Variants in ITSN2 observed in about 807,000 individuals in gnomAD.
The protein encoded by ITSN2 is intersectin-2.
A neutral mutation model predicts 243.7 loss-of-function variants in ITSN2; 156 were observed. The observed-to-expected ratio is 0.64, with a 90% confidence interval of 0.56 to 0.73. The LOEUF (loss-of-function observed/expected upper bound fraction) is 0.73, where lower values mean the gene tolerates loss of function less well. Among genes scored for constraint, ITSN2 ranks in the 30% least tolerant of loss-of-function variants. ITSN2 has a pLI of 0.00. For synonymous variants in ITSN2, 703 were observed against 699.9 expected (o/e 1.00, Z -0.07); for missense variants, 1,801 against 1,996.1 (o/e 0.90, Z 1.86).
chr2:24,330,412 G>A lies in ITSN2; in HGVS notation c.-33-2297C>T, dbSNP rs1278713911. On this transcript the variant is annotated intron_variant, in intron 1 of 39. Transcript: ENST00000355123. ...ACCGTTGCCACCACCATGCCCAAGAGAAAGGGTGAAGGGGATGCTAAAGGA... is the reference window on the plus strand; with the variant it reads ...ACCGTTGCCACCACCATGCCCAAGAAAAAGGGTGAAGGGGATGCTAAAGGA... The A allele has an allele frequency of 6.6e-6, 4 of 605,496 alleles. No homozygotes were observed. The Admixed American group carries it at 7.8e-5, about 12-fold the overall frequency. 37.5% of individuals were successfully genotyped at this position (605,496 alleles called of 1,614,324 possible). A position where few individuals can be genotyped will look rare whatever the true frequency, so the allele number is the denominator to read the frequency against.
intron 29 of ITSN2, chr2:24,240,877 AC>A (rs1159791204): frequency 6.6e-6 from 1 of 152,220 alleles, no homozygotes; most frequent in Admixed American, 6.6e-5. Context: ...TTTTGTATCA[AC>A]TAAGTACTCT....
intron 32 of ITSN2, among the ~76,000 whole-genome samples, chr2:24,215,062 G>A (rs1426562812): frequency 3.3e-5 from 5 of 152,168 alleles, no homozygotes; most frequent in East Asian, 1.9e-4. Flanking sequence ...TAACCTGTAC[G>A]AAGGATGTTG....
At position 24,318,247 on chromosome 2, in the gene ITSN2, G is replaced by A. The variant is rs1296019735; in HGVS notation, c.32-3023C>T. ...TGCAGCCTTGACATCCCAGGCTCAA[G>A]TGATTCTCCCACCTCAGCCGCCTGA... On this transcript the variant is annotated intron_variant, in intron 2 of 39. Coordinates refer to ENST00000355123, the MANE Select transcript of ITSN2 (RefSeq NM_006277.3). Among the ~76,000 whole-genome samples the A allele has an allele frequency of 2.0e-5, 3 of 152,146 alleles. No individual in the cohort carries two copies. The East Asian group carries it at 5.8e-4, about 29-fold the overall frequency.
chr2:24,252,524 A>C lies in ITSN2; in HGVS notation c.2954-13T>G. ...AGTGCAATATATTCTGTAGGGAACA[A>C]AGCAAAAAGAAGTAGATTCTGGTTT... On this transcript the variant is annotated splice_polypyrimidine_tract_variant and intron_variant, in intron 24 of 39. Transcript: ENST00000355123. 6.3e-7 allele frequency: 1 copy of C among 1,576,628 alleles called. No individual in the cohort carries two copies. Among genetic ancestry groups the C allele is most frequent in the East Asian group, 2.3e-5 (1 of 44,340 alleles).
chr2:24,313,885 G>A (rs1160740307), intron 3 of ITSN2, among the ~76,000 whole-genome samples: 1 of 152,162 alleles, frequency 6.6e-6, no homozygotes, highest in African/African-American at 2.4e-5. Context: ...AGGAGAGAGA[G>A]TCCTCCATGA....
chr2:24,303,693 T>C lies in ITSN2; in HGVS notation c.857+106A>G, dbSNP rs150843239. On this transcript the variant is annotated intron_variant, in intron 9 of 39. Coordinates refer to ENST00000355123, the MANE Select transcript of ITSN2 (RefSeq NM_006277.3). ...GCTGCTTTTATAGAGCATCTCTGAG[T>C]CACAAACTTTTACAGAAACAGTATC... 1.5e-3 allele frequency: 1,177 copies of C among 786,926 alleles called. 19 individuals carry two copies. In the East Asian group the frequency reaches 0.028, roughly 19 times the overall value. The allele number at this position is 786,926 out of a possible 1,614,324, so 48.7% of individuals were successfully genotyped here.
chr2:24,303,180 AG>A lies in ITSN2; in HGVS notation c.857+618del, dbSNP rs1326850331. Reference sequence around the variant, plus strand: ...CTCCTTCTACTTACAGAAAAAAAAAAGTTAACTGTAAGACAGCCTCAGGCAG... The same window carrying A: ...CTCCTTCTACTTACAGAAAAAAAAAATTAACTGTAAGACAGCCTCAGGCAG... On this transcript the variant is annotated intron_variant, in intron 9 of 39. Transcript: ENST00000355123. 1.2e-4 allele frequency among the ~76,000 whole-genome samples: 19 copies of A among 152,120 alleles called. 1 individual carries two copies.
In ITSN2 at chr2:24,293,993, G is replaced by A. The variant is rs76294650; in HGVS notation, c.1636-218C>T. Among the ~76,000 whole-genome samples the A allele has an allele frequency of 5.4e-3, 815 of 152,324 alleles. 7 individuals carry two copies. Among genetic ancestry groups the A allele is most frequent in the African/African-American group, 0.019 (770 of 41,576 alleles). On this transcript the variant is annotated intron_variant, in intron 14 of 39. Transcript: ENST00000355123. Reference sequence around the variant, plus strand: ...TTTGAGTGACTGGCTGAAATTAAAAGGCAGTGAAGAAAGCCTTTGTAAATG... The same window carrying A: ...TTTGAGTGACTGGCTGAAATTAAAAAGCAGTGAAGAAAGCCTTTGTAAATG...
chr2:24,315,138 T>G lies in ITSN2; in HGVS notation c.118A>C (p.Ile40Leu). Reference sequence around the variant, plus strand: ...ACTAATTATAAATACAAACCTGTTATGTAACCTCCTGAAGGTTTGAGGTTA... The same window carrying G: ...ACTAATTATAAATACAAACCTGTTAGGTAACCTCCTGAAGGTTTGAGGTTA... ...FDNLKPSGGY[I>L]TGDQARNFFL... Residue 40 changes from isoleucine to leucine, a missense_variant, in exon 3 of 40, where the codon ATA becomes CTA. This residue lies in a region of ITSN2 where 77 missense variants were observed against 90.1 expected (regional missense o/e 0.85). Coordinates refer to ENST00000355123, the MANE Select transcript of ITSN2 (RefSeq NM_006277.3). 6.3e-7 allele frequency: 1 copy of G among 1,576,886 alleles called. No homozygotes were observed. Among genetic ancestry groups the G allele is most frequent in the Non-Finnish European group, 8.7e-7 (1 of 1,147,938 alleles).
At chr2:24,218,162 C>T (rs1473820205) in intron 30 of ITSN2, 149 bp from the exon 31 acceptor site, 1 of 609,770 alleles carries the variant, frequency 1.6e-6, no homozygotes, top group East Asian at 2.8e-5. Flanking sequence ...AATAAGCATA[C>T]TTATGACACA....
rs891433115 is a variant in ITSN2 at position 24,249,838 on chromosome 2, G to T, written c.3121-956C>A. The stretch of plus-strand genomic sequence containing the variant: ...TTTGTAGAACCTGGAAATAGTCCTT[G>T]AGCCTCTTTCAGGGGTCTGTGGGAT... On this transcript the variant is annotated intron_variant, in intron 25 of 39. Transcript: ENST00000355123. The surrounding 1 kb of genome is among the most constrained non-coding windows in gnomAD (Gnocchi z 4.4). 7.9e-5 allele frequency among the ~76,000 whole-genome samples: 12 copies of T among 152,164 alleles called. No homozygotes were observed. Among genetic ancestry groups the T allele is most frequent in the Non-Finnish European group, 1.5e-5 (1 of 68,020 alleles).
At chr2:24,313,603 A>T (rs1683532178) in intron 3 of ITSN2, 80 bp from the exon 4 acceptor site, 1 of 878,752 alleles carries the variant, frequency 1.1e-6, no homozygotes, top group Admixed American at 2.5e-5. Context: ...TAATGGGTAT[A>T]TGTTAATGAT....
chr2:24,321,942 T>C (rs1056301555), intron 2 of ITSN2: 5 of 152,150 alleles, frequency 3.3e-5, no homozygotes, highest in Admixed American at 3.3e-4. Flanking sequence ...AAACCCATGG[T>C]AATAAAGTAA....
intron 22 of ITSN2, among the ~76,000 whole-genome samples, chr2:24,260,542 A>T (rs1675699489): frequency 6.6e-6 from 1 of 152,020 alleles, no homozygotes; most frequent in African/African-American, 2.4e-5. Context: ...ATATATCATG[A>T]GATTTGTAAA....
intron 1 of ITSN2, 66 bp from the exon 2 acceptor site, chr2:24,328,181 C>G: frequency 8.8e-7 from 1 of 1,134,854 alleles, no homozygotes; most frequent in Non-Finnish European, 1.3e-6. Flanking sequence ...AGTGCACCCG[C>G]TAAGCAGTAG....
intron 29 of ITSN2, among the ~76,000 whole-genome samples, chr2:24,222,108 C>T (rs1171529122): frequency 6.6e-6 from 1 of 151,926 alleles, no homozygotes; most frequent in Non-Finnish European, 1.5e-5. Context: ...AAAAATTAGC[C>T]AGGCGTGGTG....
At chr2:24,259,073 G>T (rs917090967) in intron 22 of ITSN2, among the ~76,000 whole-genome samples, 1 of 152,072 alleles carries the variant, frequency 6.6e-6, no homozygotes, top group Non-Finnish European at 1.5e-5. Flanking sequence ...CTGCCTACTG[G>T]GTGTTTCTAC....
chr2:24,242,838 A>G (rs1672890835), intron 29 of ITSN2, among the ~76,000 whole-genome samples: 1 of 152,172 alleles, frequency 6.6e-6, no homozygotes, highest in African/African-American at 2.4e-5. Context: ...CAAAACAATA[A>G]AAGTATTCAG....
At chr2:24,218,384 G>A (rs1312407419) in intron 30 of ITSN2, among the ~76,000 whole-genome samples, 3 of 152,220 alleles carry the variant, frequency 2.0e-5, no homozygotes, top group Non-Finnish European at 2.9e-5. Flanking sequence ...GTGGAGCATC[G>A]TAGAGTTCTA....
Sources: allele counts gnomAD v4.1 joint callset (sites outside exome capture counted in the v4.1 genomes callset), GRCh38; gene constraint gnomAD v4.1.1; regional missense constraint gnomAD v4.1.1; non-coding constraint Gnocchi (gnomAD v3.1); transcripts MANE v1.5; gene names NCBI Gene and HGNC (gene_info 2026-07-23, HGNC 2026-07-21).